Variants in TEAD1 observed in about 807,000 individuals in gnomAD.
The protein encoded by TEAD1 is TEA domain transcription factor 1.
In TEAD1, 9 loss-of-function variants were observed where a neutral mutation model predicts 54.9. The observed-to-expected ratio is 0.16, with a 90% CI of 0.10 to 0.29. The LOEUF (loss-of-function observed/expected upper bound fraction) is 0.29. Ranked by LOEUF, TEAD1 falls within the 10% of genes least tolerant of loss-of-function variation. The pLI is 1.00. For missense variants in TEAD1, 387 were observed against 535.9 expected (o/e 0.72, Z 2.74); for synonymous variants, 200 against 187.8 (o/e 1.07, Z -0.53).
At chr11:12,875,251 GAGT>G (rs1248800594) in intron 5 of TEAD1, among the ~76,000 whole-genome samples, 1 of 152,230 alleles carries the variant, frequency 6.6e-6, no homozygotes, top group Non-Finnish European at 1.5e-5. Flanking sequence ...GAGTGAGGAT[GAGT>G]AGTGAGGATA....
chr11:12,724,581 G>C (rs1944278678), intron 2 of TEAD1, among the ~76,000 whole-genome samples: 1 of 152,246 alleles, frequency 6.6e-6, no homozygotes, highest in Non-Finnish European at 1.5e-5. Flanking sequence ...AAATGCGCGT[G>C]CACACGCAAG....
chr11:12,895,075 G>A (rs1023368980), intron 9 of TEAD1, among the ~76,000 whole-genome samples: 2 of 152,080 alleles, frequency 1.3e-5, no homozygotes, highest in Non-Finnish European at 2.9e-5. Flanking sequence ...GATCCCATCT[G>A]ACACCACAGT....
intron 3 of TEAD1, among the ~76,000 whole-genome samples, chr11:12,835,734 A>C (rs1328095335): frequency 6.6e-6 from 1 of 152,188 alleles, no homozygotes; most frequent in East Asian, 1.9e-4. Context: ...AGAGAAATAG[A>C]AGAAGAGAAC....
At chr11:12,863,558 G>A (rs986089760) in intron 4 of TEAD1, among the ~76,000 whole-genome samples, 6 of 152,146 alleles carry the variant, frequency 3.9e-5, no homozygotes, top group African/African-American at 1.4e-4. Context: ...TAAAAGGACC[G>A]TTTATTATAA....
chr11:12,796,956 C>CA (rs1347913296), intron 3 of TEAD1, among the ~76,000 whole-genome samples: 1 of 151,734 alleles, frequency 6.6e-6, no homozygotes, highest in African/African-American at 2.4e-5. Context: ...CTAAAAAATA[C>CA]AAAAAAATTA....
intron 3 of TEAD1, among the ~76,000 whole-genome samples, chr11:12,788,919 AAGAGATGGGGTTT>A (rs1317527400): frequency 6.6e-6 from 1 of 152,166 alleles, no homozygotes; most frequent in Non-Finnish European, 1.5e-5. Flanking sequence ...GTTTTGTTTT[AAGAGATGGGGTTT>A]AGAGATGGGG....
At chr11:12,683,584 A>G (rs1943270597) in intron 2 of TEAD1, among the ~76,000 whole-genome samples, 1 of 152,092 alleles carries the variant, frequency 6.6e-6, no homozygotes, top group Non-Finnish European at 1.5e-5. Flanking sequence ...TTGAAGGAAC[A>G]GGGGGATTTT....
intron 2 of TEAD1, among the ~76,000 whole-genome samples, chr11:12,676,969 A>G (rs1943106569): frequency 6.6e-6 from 1 of 152,088 alleles, no homozygotes; most frequent in Non-Finnish European, 1.5e-5. Context: ...CTGCAGTTTT[A>G]GGGGAATATT....
chr11:12,931,700 A>G (rs1038706023), intron 12 of TEAD1, among the ~76,000 whole-genome samples: 6 of 152,200 alleles, frequency 3.9e-5, no homozygotes, highest in Non-Finnish European at 5.9e-5. Context: ...ACCGATAGCT[A>G]TTCAGCTAAT....
At chr11:12,691,016 G>A (rs988244976) in intron 2 of TEAD1, among the ~76,000 whole-genome samples, 1 of 152,150 alleles carries the variant, frequency 6.6e-6, no homozygotes, top group Non-Finnish European at 1.5e-5. Context: ...TTCCCAAATT[G>A]CTGAGATTAC....
intron 3 of TEAD1, among the ~76,000 whole-genome samples, chr11:12,775,634 G>T (rs1005812293): frequency 7.9e-5 from 12 of 151,976 alleles, no homozygotes; most frequent in South Asian, 2.1e-4. Context: ...CTATTTTAGA[G>T]ACTGTTCAAC....
At chr11:12,687,593 T>A (rs1158943809) in intron 2 of TEAD1, among the ~76,000 whole-genome samples, 1 of 152,158 alleles carries the variant, frequency 6.6e-6, no homozygotes, top group Non-Finnish European at 1.5e-5. Context: ...TGAAGGGAGT[T>A]AAGATAGATT....
intron 3 of TEAD1, among the ~76,000 whole-genome samples, chr11:12,821,780 G>A (rs909980155): frequency 1.9e-4 from 29 of 151,890 alleles, no homozygotes; most frequent in African/African-American, 6.3e-4. Context: ...TCCAGTATTA[G>A]CATTGATATG....
chr11:12,840,414 TATTC>T (rs1418112081), intron 3 of TEAD1, among the ~76,000 whole-genome samples: 1 of 152,106 alleles, frequency 6.6e-6, no homozygotes, highest in African/African-American at 2.4e-5. Flanking sequence ...TAAGAGGCCA[TATTC>T]AGTGTTGTGC....
chr11:12,798,395 C>A (rs561416146), intron 3 of TEAD1, among the ~76,000 whole-genome samples: 2 of 152,124 alleles, frequency 1.3e-5, no homozygotes, highest in African/African-American at 2.4e-5. Context: ...TGATTTTTAA[C>A]GTATAATGTG....
chr11:12,862,365 G>T (rs569959301), intron 4 of TEAD1, 51 bp downstream of exon 4: 2 of 1,566,484 alleles, frequency 1.3e-6, no homozygotes, highest in Non-Finnish European at 1.8e-6. Flanking sequence ...GCCCAAAAAG[G>T]CATTTTGGCT....
At chr11:12,789,015 G>A (rs1358610860) in intron 3 of TEAD1, among the ~76,000 whole-genome samples, 1 of 152,224 alleles carries the variant, frequency 6.6e-6, no homozygotes, top group African/African-American at 2.4e-5. Context: ...CTCCCAAAGT[G>A]CTGGGATTAT....
intron 3 of TEAD1, among the ~76,000 whole-genome samples, chr11:12,844,957 A>ATTTT (rs1947110635): frequency 1.3e-5 from 1 of 75,094 alleles, no homozygotes; most frequent in Non-Finnish European, 2.8e-5. Context: ...CGTGTATGAA[A>ATTTT]TCTTTTTTTT....
At chr11:12,935,911 C>T (rs543781264) in intron 12 of TEAD1, among the ~76,000 whole-genome samples, 1 of 152,198 alleles carries the variant, frequency 6.6e-6, no homozygotes, top group South Asian at 2.1e-4. Flanking sequence ...AACTGTATAG[C>T]ATGCTGTGAT....
Sources: gnomAD v4.1 joint callset for allele counts (sites outside exome capture counted in the v4.1 genomes callset) on GRCh38, gnomAD v4.1.1 for gene constraint, MANE v1.5 for transcripts, NCBI Gene and HGNC (gene_info 2026-07-23, HGNC 2026-07-21) for gene names.